FSHR: variants seen among roughly 807,000 people sequenced by gnomAD.
FSHR encodes the protein follicle-stimulating hormone receptor.
In FSHR, 46 loss-of-function variants were observed where a neutral mutation model predicts 52.1. That is an observed-to-expected ratio of 0.88 (90% confidence interval 0.70 to 1.13). The LOEUF (loss-of-function observed/expected upper bound fraction) is 1.13, where lower values mean the gene tolerates loss of function less well. FSHR is among the 50% of genes most tolerant of loss of function. The pLI, the probability that FSHR is intolerant of heterozygous loss-of-function variation, is 0.00. For synonymous variants in FSHR, 399 were observed against 309.6 expected, an observed-to-expected ratio of 1.29 and a Z score of -3.03; for missense variants, 964 against 834.6, an observed-to-expected ratio of 1.16 and a Z score of -1.91.
intron 1 of FSHR, among the ~76,000 whole-genome samples, chr2:49,111,347 C>T (rs1327599751): frequency 3.3e-5 from 5 of 152,098 alleles, no homozygotes; most frequent in Admixed American, 2.0e-4. Flanking sequence ...CATTCTTCTC[C>T]CCAGGTGTTT....
At chr2:49,018,785 G>T (rs1466076727) in intron 3 of FSHR, among the ~76,000 whole-genome samples, 3 of 152,054 alleles carry the variant, frequency 2.0e-5, no homozygotes, top group Non-Finnish European at 4.4e-5. Flanking sequence ...AAAGGGAGAG[G>T]GGAGATTGCC....
intron 1 of FSHR, among the ~76,000 whole-genome samples, chr2:49,144,557 T>C (rs1425110240): frequency 6.6e-6 from 1 of 152,172 alleles, no homozygotes; most frequent in African/African-American, 2.4e-5. Flanking sequence ...TCATCATAAT[T>C]GTCATATTTT....
At chr2:49,127,815 T>TTCTTCTTCCTCC (rs1672084225) in intron 1 of FSHR, among the ~76,000 whole-genome samples, 1 of 61,038 alleles carries the variant, frequency 1.6e-5, no homozygotes, top group African/African-American at 7.1e-5. Flanking sequence ...CTTCTTCTTC[T>TTCTTCTTCCTCC]TCTTCTTCTT....
chr2:48,988,684 T>C (rs962533466), intron 6 of FSHR, among the ~76,000 whole-genome samples: 1 of 152,254 alleles, frequency 6.6e-6, no homozygotes, highest in Non-Finnish European at 1.5e-5. Context: ...TAACTAGCTT[T>C]ATTGATGCAT....
chr2:49,118,960 G>A (rs922545071), intron 1 of FSHR, among the ~76,000 whole-genome samples: 1 of 152,122 alleles, frequency 6.6e-6, no homozygotes, highest in African/African-American at 2.4e-5. Context: ...ATAACTGTCT[G>A]TACTTTCACT....
intron 1 of FSHR, among the ~76,000 whole-genome samples, chr2:49,146,462 T>C (rs1468661260): frequency 6.6e-6 from 1 of 152,034 alleles, no homozygotes; most frequent in African/African-American, 2.4e-5. Flanking sequence ...GGATCCCTCA[T>C]AAATTCTTTG....
chr2:49,019,275 C>T (rs925959031), intron 3 of FSHR, among the ~76,000 whole-genome samples: 5 of 152,106 alleles, frequency 3.3e-5, no homozygotes, highest in African/African-American at 1.2e-4. Context: ...CTTATTTGAC[C>T]ATAAATCTTT....
chr2:49,125,121 T>A (rs894197340), intron 1 of FSHR, among the ~76,000 whole-genome samples: 10 of 152,224 alleles, frequency 6.6e-5, no homozygotes, highest in Non-Finnish European at 1.2e-4. Context: ...CTTTTTCTGA[T>A]GGGCTTCCTG....
At chr2:48,998,378 A>T (rs1027046728) in intron 4 of FSHR, among the ~76,000 whole-genome samples, 1 of 152,140 alleles carries the variant, frequency 6.6e-6, no homozygotes, top group African/African-American at 2.4e-5. Context: ...GTATGTCATT[A>T]TATATGAAAA....
At chr2:49,148,825 G>A (rs1672961075) in intron 1 of FSHR, among the ~76,000 whole-genome samples, 1 of 152,032 alleles carries the variant, frequency 6.6e-6, no homozygotes, top group South Asian at 2.1e-4. Flanking sequence ...CTTGAGCCCT[G>A]TGGAGTAGGC....
intron 1 of FSHR, among the ~76,000 whole-genome samples, chr2:49,150,670 A>G (rs1673029793): frequency 6.6e-6 from 1 of 151,848 alleles, no homozygotes; most frequent in Non-Finnish European, 1.5e-5. Flanking sequence ...ACTATACTCC[A>G]CCATCTCTGA....
At chr2:49,041,248 T>A (rs934767505) in intron 2 of FSHR, among the ~76,000 whole-genome samples, 4 of 152,124 alleles carry the variant, frequency 2.6e-5, no homozygotes, top group Non-Finnish European at 5.9e-5. Context: ...TGTATTTGAG[T>A]ATTTTTGTGG....
chr2:49,020,181 A>T (rs762734500), intron 2 of FSHR, 21 bp from the exon 3 acceptor site: 2 of 1,588,380 alleles, frequency 1.3e-6, no homozygotes, highest in South Asian at 2.2e-5. Context: ...AAAAATATAT[A>T]AGTCAAGCCA....
intron 2 of FSHR, among the ~76,000 whole-genome samples, chr2:49,029,216 A>G (rs559379996): frequency 6.6e-6 from 1 of 152,324 alleles, no homozygotes; most frequent in South Asian, 2.1e-4. Context: ...AGTATTTACT[A>G]CCTGTGATTG....
intron 1 of FSHR, among the ~76,000 whole-genome samples, chr2:49,077,058 A>C (rs1387387241): frequency 6.6e-6 from 1 of 152,078 alleles, no homozygotes; most frequent in Non-Finnish European, 1.5e-5. Context: ...CCGTCTTCTC[A>C]CAGCTCCACT....
intron 1 of FSHR, among the ~76,000 whole-genome samples, chr2:49,110,553 A>G (rs6545096): frequency 0.48 from 73,401 of 152,000 alleles, 18,720 homozygotes; most frequent in East Asian, 0.7. Flanking sequence ...TTAGTTGACT[A>G]CATATTTGTC....
At chr2:49,120,786 T>C (rs1437360123) in intron 1 of FSHR, among the ~76,000 whole-genome samples, 3 of 152,236 alleles carry the variant, frequency 2.0e-5, no homozygotes, top group Non-Finnish European at 2.9e-5. Context: ...TTAAAAGAGC[T>C]TACCACATTT....
intron 1 of FSHR, among the ~76,000 whole-genome samples, chr2:49,085,449 C>G (rs770486845): frequency 2.6e-5 from 4 of 152,188 alleles, no homozygotes; most frequent in African/African-American, 7.2e-5. Context: ...AAGGGATGCC[C>G]TCTCTCACCA....
At chr2:49,086,824 G>A (rs999379075) in intron 1 of FSHR, among the ~76,000 whole-genome samples, 4 of 152,050 alleles carry the variant, frequency 2.6e-5, no homozygotes, top group African/African-American at 4.8e-5. Flanking sequence ...TAGTTTCACC[G>A]TGTTGGCCAT....
Sources: allele counts gnomAD v4.1 joint callset (sites outside exome capture counted in the v4.1 genomes callset), GRCh38; gene constraint gnomAD v4.1.1; transcripts MANE v1.5; gene names NCBI Gene and HGNC (gene_info 2026-07-23, HGNC 2026-07-21).